Variants in S100Z observed in about 807,000 individuals in gnomAD.
The protein encoded by S100Z is protein S100-Z.
In S100Z, 11 loss-of-function variants were observed where a neutral mutation model predicts 8.5. The observed-to-expected ratio is 1.30, with a 90% CI of 0.82 to 2.15. The LOEUF is 2.15. S100Z is among the 30% of genes most tolerant of loss of function. The pLI is 0.00. For missense variants in S100Z, 126 were observed against 117.9 expected (o/e 1.07, Z -0.32); for synonymous variants, 34 against 43.8 (o/e 0.78, Z 0.89).
downstream of S100Z, among the ~76,000 whole-genome samples, chr5:76,923,342 T>C (rs927451124): frequency 6.6e-6 from 1 of 152,234 alleles, no homozygotes; most frequent in Non-Finnish European, 1.5e-5. Context: ...AATTGTTTCC[T>C]CTATCACCTA....
intron 2 of S100Z, 52 bp from the exon 3 acceptor site, chr5:76,875,252 T>G: frequency 1.0e-6 from 1 of 986,592 alleles, no homozygotes; most frequent in Non-Finnish European, 1.5e-6. Context: ...GATTGTAATA[T>G]TCTGTTTTAA....
intron 1 of S100Z, among the ~76,000 whole-genome samples, chr5:76,853,151 T>G (rs1750779245): frequency 6.6e-6 from 1 of 152,226 alleles, no homozygotes; most frequent in Admixed American, 6.5e-5. Context: ...CACCTAATTT[T>G]CTACTGATCT....
intron 1 of S100Z, among the ~76,000 whole-genome samples, chr5:76,861,258 G>A (rs6883033): frequency 0.045 from 6,864 of 152,212 alleles, 286 homozygotes; most frequent in African/African-American, 0.11. Flanking sequence ...AGATCTCTCC[G>A]TAGGACTTCT....
chr5:76,889,938 C>A (rs1743800136), intron 4 of S100Z, among the ~76,000 whole-genome samples: 1 of 152,252 alleles, frequency 6.6e-6, no homozygotes, highest in Non-Finnish European at 1.5e-5. Context: ...AAAGCCTAGG[C>A]TTGCTTGAGA....
the S100Z span, among the ~76,000 whole-genome samples, chr5:76,938,606 AG>A: frequency 1.3e-5 from 2 of 152,202 alleles, no homozygotes; most frequent in Admixed American, 1.3e-4. Flanking sequence ...TTAATTTATT[AG>A]TTTTTTAATG....
the S100Z span, among the ~76,000 whole-genome samples, chr5:76,951,956 T>C: frequency 6.6e-6 from 1 of 152,364 alleles, no homozygotes; most frequent in South Asian, 2.1e-4. Flanking sequence ...ACTGAAAATA[T>C]AGCCATTCCT....
At chr5:76,912,811 C>A (rs1428217328) in intron 4 of S100Z, among the ~76,000 whole-genome samples, 2 of 151,132 alleles carry the variant, frequency 1.3e-5, no homozygotes, top group African/African-American at 4.9e-5. Flanking sequence ...CAAGGAAAGA[C>A]CAGCAGAAAG....
the S100Z span, among the ~76,000 whole-genome samples, chr5:76,933,904 A>C: frequency 2.0e-5 from 3 of 151,586 alleles, no homozygotes; most frequent in African/African-American, 7.2e-5. Context: ...TCTTCCCCCA[A>C]CCACCTGGTA....
At chr5:76,888,251 C>T (rs528951805) in intron 4 of S100Z, among the ~76,000 whole-genome samples, 332 of 140,628 alleles carry the variant, frequency 2.4e-3, no homozygotes, top group African/African-American at 8.2e-3. Context: ...AGCAAGACTC[C>T]ATCTCAAAAA....
chr5:76,896,221 ACTCT>A (rs1008913468), intron 4 of S100Z, among the ~76,000 whole-genome samples: 5 of 151,868 alleles, frequency 3.3e-5, no homozygotes, highest in African/African-American at 1.2e-4. Flanking sequence ...CCATCATTCT[ACTCT>A]CTATGTCCAT....
intron 4 of S100Z, among the ~76,000 whole-genome samples, chr5:76,914,141 T>C (rs1377616688): frequency 1.3e-5 from 2 of 152,068 alleles, no homozygotes; most frequent in Non-Finnish European, 2.9e-5. Context: ...AGAGTTCCCC[T>C]CTGGAGGACA....
At chr5:76,853,402 A>T (rs549254995) in intron 1 of S100Z, among the ~76,000 whole-genome samples, 1 of 152,204 alleles carries the variant, frequency 6.6e-6, no homozygotes, top group Admixed American at 6.5e-5. Flanking sequence ...ATAGTAAGAG[A>T]TAGCAAATTA....
intron 4 of S100Z, among the ~76,000 whole-genome samples, chr5:76,913,898 C>T (rs766552903): frequency 2.0e-5 from 3 of 152,164 alleles, no homozygotes; most frequent in Non-Finnish European, 1.5e-5. Context: ...GCTCTTATAC[C>T]AACTTCTGGA....
At position 76,860,844 on chromosome 5, in the gene S100Z, CAT is replaced by C. The variant is rs542949113; in HGVS notation, c.-175-9321_-175-9320del. Among the ~76,000 whole-genome samples, 123 of 152,236 alleles carry C rather than the reference CAT, an allele frequency of 8.1e-4. 3 individuals are homozygous for C. The highest frequency in any genetic ancestry group is 1.4e-3 in the Admixed American group (21 of 15,284). Reference sequence around the variant, plus strand: ...AGCGCCTTCTCCTGTAAGAGCATGACATGTGTGCTTTTTGAGAGGCCACGCAT... The same window carrying C: ...AGCGCCTTCTCCTGTAAGAGCATGACGTGTGCTTTTTGAGAGGCCACGCAT... On this transcript the variant is annotated intron_variant, in intron 1 of 4. Coordinates refer to ENST00000317593, the MANE Select transcript of S100Z (RefSeq NM_130772.4).
At chr5:76,940,561 T>G in the S100Z span, among the ~76,000 whole-genome samples, 1 of 152,024 alleles carries the variant, frequency 6.6e-6, no homozygotes, top group African/African-American at 2.4e-5. Context: ...TACAGGCATC[T>G]GCCACCACAC....
chr5:76,851,248 G>A (rs943582028), intron 1 of S100Z, among the ~76,000 whole-genome samples: 1 of 152,200 alleles, frequency 6.6e-6, no homozygotes, highest in Non-Finnish European at 1.5e-5. Flanking sequence ...TGGTGCAGAG[G>A]GGATGGGTGG....
chr5:76,951,854 C>T, the S100Z span, among the ~76,000 whole-genome samples: 3 of 152,208 alleles, frequency 2.0e-5, no homozygotes, highest in South Asian at 2.1e-4. Context: ...ACAAAGAGGC[C>T]GCCTCTCCAG....
chr5:76,909,181 G>A (rs1182693782), intron 4 of S100Z, among the ~76,000 whole-genome samples: 4 of 152,138 alleles, frequency 2.6e-5, no homozygotes, highest in Non-Finnish European at 2.9e-5. Flanking sequence ...TTCTTGGGCA[G>A]GGGGAGAAAC....
intron 2 of S100Z, among the ~76,000 whole-genome samples, chr5:76,874,556 AT>A (rs888411560): frequency 6.6e-6 from 1 of 151,930 alleles, no homozygotes; most frequent in Non-Finnish European, 1.5e-5. Flanking sequence ...GTCACTGGCA[AT>A]TTTCATCTTC....
Sources: allele counts gnomAD v4.1 joint callset (sites outside exome capture counted in the v4.1 genomes callset), GRCh38; gene constraint gnomAD v4.1.1; transcripts MANE v1.5; gene names NCBI Gene and HGNC (gene_info 2026-07-23, HGNC 2026-07-21).